The following GLIS3 variants were observed in gnomAD, a reference collection of about 807,000 sequenced individuals.
GLIS3 encodes the protein zinc finger protein GLIS3.
A neutral mutation model predicts 78.6 loss-of-function variants in GLIS3; 53 were observed. The ratio of observed to expected loss-of-function variants is 0.67; its 90% CI spans 0.54 to 0.85. GLIS3 has a LOEUF of 0.85. Among genes scored for constraint, GLIS3 ranks in the 40% least tolerant of loss-of-function variants. The pLI is 0.00. For synonymous variants in GLIS3, 684 were observed against 509.9 expected, an observed-to-expected ratio of 1.34 and a Z score of -4.60; for missense variants, 1,703 against 1,231.1, an observed-to-expected ratio of 1.38 and a Z score of -5.74.
At chr9:3,954,879 A>T (rs1190204640) in intron 4 of GLIS3, among the ~76,000 whole-genome samples, 1 of 152,250 alleles carries the variant, frequency 6.6e-6, no homozygotes, top group Non-Finnish European at 1.5e-5. Flanking sequence ...TGTTCAGCTG[A>T]AAACATGCCT....
chr9:4,270,975 C>A (rs1039034452), intron 2 of GLIS3, among the ~76,000 whole-genome samples: 3 of 151,590 alleles, frequency 2.0e-5, no homozygotes, highest in Non-Finnish European at 4.4e-5. Flanking sequence ...TTGAACTGCA[C>A]AGATTCACTT....
At chr9:4,232,140 G>C (rs1822309347) in intron 2 of GLIS3, among the ~76,000 whole-genome samples, 1 of 152,106 alleles carries the variant, frequency 6.6e-6, no homozygotes, top group Admixed American at 6.6e-5. Flanking sequence ...CACTTTGGGA[G>C]GCTGAAGTGG....
chr9:4,091,917 A>C (rs1460986739), intron 4 of GLIS3, among the ~76,000 whole-genome samples: 3 of 152,124 alleles, frequency 2.0e-5, no homozygotes, highest in Admixed American at 6.5e-5. Flanking sequence ...GTACAGTAAA[A>C]ATACCATATA....
the GLIS3 span, among the ~76,000 whole-genome samples, chr9:4,401,562 C>G: frequency 1.4e-5 from 2 of 147,260 alleles, no homozygotes; most frequent in Admixed American, 1.4e-4. Context: ...CCGTGCCTGT[C>G]CTTTCTTTCT....
chr9:4,108,839 C>A (rs1469855073), intron 4 of GLIS3, among the ~76,000 whole-genome samples: 1 of 152,154 alleles, frequency 6.6e-6, no homozygotes, highest in African/African-American at 2.4e-5. Flanking sequence ...TTCTGAATGC[C>A]TGAGTCCACT....
chr9:4,344,227 G>C (rs1817873067), intron 2 of GLIS3, among the ~76,000 whole-genome samples: 1 of 151,990 alleles, frequency 6.6e-6, no homozygotes, highest in Admixed American at 6.6e-5. Flanking sequence ...ATTTGCCCCA[G>C]GGTTTCCTCT....
chr9:4,234,071 A>G (rs1183404314), intron 2 of GLIS3, among the ~76,000 whole-genome samples: 1 of 152,182 alleles, frequency 6.6e-6, no homozygotes, highest in East Asian at 1.9e-4. Flanking sequence ...AGCTTGAGGG[A>G]ATTTTGTGGT....
chr9:4,445,944 T>C, the GLIS3 span, among the ~76,000 whole-genome samples: 2 of 152,236 alleles, frequency 1.3e-5, no homozygotes, highest in African/African-American at 4.8e-5. Context: ...TATCAGAGTA[T>C]AGGCCCAGGA....
At chr9:4,271,608 T>C (rs928712916) in intron 2 of GLIS3, among the ~76,000 whole-genome samples, 3 of 152,226 alleles carry the variant, frequency 2.0e-5, no homozygotes, top group African/African-American at 7.2e-5. Flanking sequence ...TATCTGGCTG[T>C]ACACCCTCCT....
chr9:4,010,755 G>A (rs903202438), intron 4 of GLIS3, among the ~76,000 whole-genome samples: 1 of 152,114 alleles, frequency 6.6e-6, no homozygotes, highest in Admixed American at 6.6e-5. Flanking sequence ...CCTTCTAATA[G>A]TTCTGTAAGG....
intron 2 of GLIS3, among the ~76,000 whole-genome samples, chr9:4,277,970 T>C (rs1827181500): frequency 6.6e-6 from 1 of 152,234 alleles, no homozygotes; most frequent in African/African-American, 2.4e-5. Flanking sequence ...GCTTACTCAG[T>C]GGCTCAGATA....
In GLIS3 at chr9:3,898,502, T is replaced by A; in HGVS notation, c.2128+189A>T. The A allele has an allele frequency of 4.4e-6, 3 of 686,248 alleles. No individual in the cohort carries two copies. The East Asian group carries it at 8.2e-5, about 19-fold the overall frequency. 42.5% of individuals were successfully genotyped at this position (686,248 alleles called of 1,614,324 possible). A position where few individuals can be genotyped will look rare whatever the true frequency, so the allele number is the denominator to read the frequency against. On this transcript the variant is annotated intron_variant, in intron 7 of 10. Transcript: ENST00000381971. ...TGCATTATTTTATTTTATTTCTTTA[T>A]GAGAAAAAACAATCTGCTGCCACAC...
chr9:4,481,159 T>G, the GLIS3 span, among the ~76,000 whole-genome samples: 1 of 150,986 alleles, frequency 6.6e-6, no homozygotes, highest in Middle Eastern at 3.4e-3. Flanking sequence ...CCCAGCCCTA[T>G]CTACTGTTTT....
At chr9:4,361,680 T>G in the GLIS3 span, among the ~76,000 whole-genome samples, 1 of 152,246 alleles carries the variant, frequency 6.6e-6, no homozygotes, top group African/African-American at 2.4e-5. Context: ...CAGTTGTGAT[T>G]TGACCTTGCT....
At chr9:4,068,478 A>T in intron 4 of GLIS3, among the ~76,000 whole-genome samples, 1 of 152,346 alleles carries the variant, frequency 6.6e-6, no homozygotes, top group East Asian at 1.9e-4. Context: ...CAAAGAAAAA[A>T]GGCTAATGAT....
intron 2 of GLIS3, among the ~76,000 whole-genome samples, chr9:4,185,423 G>T (rs1248599934): frequency 3.3e-5 from 5 of 152,296 alleles, no homozygotes; most frequent in South Asian, 4.1e-4. Flanking sequence ...ACATTCACAT[G>T]CATGTCTTTG....
At chr9:4,009,005 T>C (rs549490975) in intron 4 of GLIS3, among the ~76,000 whole-genome samples, 1 of 152,290 alleles carries the variant, frequency 6.6e-6, no homozygotes. Context: ...GAGAGATGCA[T>C]TCCTGAACCG....
At chr9:4,002,627 C>A (rs1351602564) in intron 4 of GLIS3, among the ~76,000 whole-genome samples, 1 of 152,164 alleles carries the variant, frequency 6.6e-6, no homozygotes, top group Non-Finnish European at 1.5e-5. Flanking sequence ...CACCTAAAGT[C>A]ATTCCCCACT....
intron 4 of GLIS3, among the ~76,000 whole-genome samples, chr9:3,960,148 G>C (rs1467103634): frequency 6.6e-6 from 1 of 152,132 alleles, no homozygotes; most frequent in African/African-American, 2.4e-5. Flanking sequence ...AACAAAGAAA[G>C]AGGAAATTTG....
Sources: allele counts gnomAD v4.1 joint callset (sites outside exome capture counted in the v4.1 genomes callset), GRCh38; gene constraint gnomAD v4.1.1; transcripts MANE v1.5; gene names NCBI Gene and HGNC (gene_info 2026-07-23, HGNC 2026-07-21).